PRKN: variants seen among roughly 807,000 people sequenced by gnomAD.
PRKN encodes E3 ubiquitin-protein ligase parkin.
In PRKN, 56 loss-of-function variants were observed where a neutral mutation model predicts 59.5. That is an observed-to-expected ratio of 0.94 (90% CI 0.76 to 1.18). PRKN has a LOEUF of 1.18. Ranked by LOEUF, PRKN falls within the 50% of genes most tolerant of loss-of-function variation. The pLI, the probability that PRKN is intolerant of heterozygous loss-of-function variation, is 0.00. For missense variants in PRKN, 657 were observed against 596.4 expected, an observed-to-expected ratio of 1.10 and a Z score of -1.06; for synonymous variants, 250 against 222.1, an observed-to-expected ratio of 1.13 and a Z score of -1.12.
At chr6:162,014,049 T>TA (rs371371940) in intron 5 of PRKN, among the ~76,000 whole-genome samples, 23 of 152,302 alleles carry the variant, frequency 1.5e-4, no homozygotes, top group African/African-American at 5.5e-4. Context: ...GTCACTGTCC[T>TA]AACCTGGGCC....
intron 1 of PRKN, among the ~76,000 whole-genome samples, chr6:162,491,461 TACA>T (rs896493770): frequency 4.6e-5 from 7 of 152,296 alleles, no homozygotes; most frequent in African/African-American, 1.7e-4. Context: ...GACGTCACCC[TACA>T]ACCTTTAGTC....
intron 6 of PRKN, among the ~76,000 whole-genome samples, chr6:161,958,686 C>T (rs1045693103): frequency 6.6e-5 from 10 of 151,986 alleles, no homozygotes; most frequent in African/African-American, 2.2e-4. Flanking sequence ...TCAGACCAGC[C>T]TGGCCAACAT....
intron 4 of PRKN, among the ~76,000 whole-genome samples, chr6:162,088,717 C>T (rs559196251): frequency 7.2e-5 from 11 of 152,080 alleles, no homozygotes; most frequent in Non-Finnish European, 1.2e-4. Flanking sequence ...AAAGACATTG[C>T]GTTACTAATT....
rs112500655 is a variant in PRKN at position 161,444,762 on chromosome 6, C to G, written c.1084-57885G>C. On this transcript the variant is annotated intron_variant, in intron 9 of 11. Coordinates refer to ENST00000366898, the MANE Select transcript of PRKN (RefSeq NM_004562.3). This position sits in a 1 kb window ranked among gnomAD's most constrained non-coding sequence, Gnocchi z 5.6. Reference sequence around the variant, plus strand: ...TGAATGAAACGGCACTCTTGACATGCTGTACGGACAGAATCTTTACATGTC... The same window carrying G: ...TGAATGAAACGGCACTCTTGACATGGTGTACGGACAGAATCTTTACATGTC... Among the ~76,000 whole-genome samples the G allele has an allele frequency of 3.1e-3, 465 of 152,346 alleles. 1 individual carries two copies. The highest frequency in any genetic ancestry group is 5.1e-3 in the Non-Finnish European group (344 of 68,038).
intron 6 of PRKN, among the ~76,000 whole-genome samples, chr6:161,935,389 C>T (rs988995477): frequency 1.3e-5 from 2 of 151,724 alleles, no homozygotes; most frequent in African/African-American, 2.4e-5. Context: ...TCCATCTCTA[C>T]TAAAAATACA....
Position 161,432,073 on chromosome 6 carries a change from G to A in PRKN, c.1084-45196C>T, listed in dbSNP as rs373714950. ...TGCATTTTAATGCATGCACACATGT[G>A]TACCCACCAAAGGACTCCAGGCTAT... On this transcript the variant is annotated intron_variant, in intron 9 of 11. Transcript: ENST00000366898. Among the ~76,000 whole-genome samples, 206 of 152,284 alleles carry A rather than the reference G, an allele frequency of 1.4e-3. 1 individual carries two copies. The highest frequency in any genetic ancestry group is 3.4e-3 in the Middle Eastern group (1 of 294).
At chr6:162,694,929 A>G (rs931838181) in intron 1 of PRKN, 2 of 152,180 alleles carry the variant, frequency 1.3e-5, no homozygotes, top group Non-Finnish European at 2.9e-5. Context: ...TTAGCACCAC[A>G]ATAATTATGT....
At chr6:162,390,705 A>T (rs1430307871) in intron 2 of PRKN, among the ~76,000 whole-genome samples, 1 of 152,038 alleles carries the variant, frequency 6.6e-6, no homozygotes, top group Non-Finnish European at 1.5e-5. Flanking sequence ...GGCCTTCCAA[A>T]GTGCTGGGAT....
At chr6:162,264,258 C>G (rs1012583918) in intron 2 of PRKN, among the ~76,000 whole-genome samples, 1 of 152,142 alleles carries the variant, frequency 6.6e-6, no homozygotes, top group Admixed American at 6.5e-5. Flanking sequence ...GCCTGGGCAA[C>G]AGAGAGAGAG....
chr6:162,047,682 T>C (rs1259509117), intron 5 of PRKN, among the ~76,000 whole-genome samples: 1 of 152,166 alleles, frequency 6.6e-6, no homozygotes, highest in Non-Finnish European at 1.5e-5. Context: ...TGGAGGATAG[T>C]AATTTGATCA....
In PRKN at chr6:161,449,809, C is replaced by T. The variant is rs189292714; in HGVS notation, c.1084-62932G>A. Among the ~76,000 whole-genome samples the T allele has an allele frequency of 7.9e-5, 12 of 152,294 alleles. No individual in the cohort carries two copies. The East Asian group carries it at 2.3e-3, about 29-fold the overall frequency. On this transcript the variant is annotated intron_variant, in intron 9 of 11. Transcript: ENST00000366898. ...AATGACATTCATGGTTATTGTTCTA[C>T]ACAGACAGGTGTAGGGAAGCAATGG...
chr6:161,475,566 C>A lies in PRKN; in HGVS notation c.1083+73288G>T. Among the ~76,000 whole-genome samples, 1 of 152,146 alleles carries A rather than the reference C, an allele frequency of 6.6e-6. No homozygotes were observed. The highest frequency in any genetic ancestry group is 1.9e-4 in the East Asian group (1 of 5,174). On this transcript the variant is annotated intron_variant, in intron 9 of 11. Transcript: ENST00000366898. The surrounding 1 kb of genome is among the most constrained non-coding windows in gnomAD (Gnocchi z 5.3). ...TGGCCCAGGCTGGAGTGCCGCGGTGCAATACAACTTGCCGCAGTCTTGACC... is the reference window on the plus strand; with the variant it reads ...TGGCCCAGGCTGGAGTGCCGCGGTGAAATACAACTTGCCGCAGTCTTGACC...
chr6:161,696,698 C>T (rs556433572), intron 7 of PRKN, among the ~76,000 whole-genome samples: 51 of 152,204 alleles, frequency 3.4e-4, no homozygotes, highest in Admixed American at 7.2e-4. Context: ...CTAATTCTAC[C>T]CTCTTACAAA....
At chr6:162,231,784 C>T (rs981948850) in intron 3 of PRKN, among the ~76,000 whole-genome samples, 18 of 152,106 alleles carry the variant, frequency 1.2e-4, no homozygotes, top group Admixed American at 5.2e-4. Context: ...CCACCTGATC[C>T]GCTGTCCCAA....
intron 4 of PRKN, among the ~76,000 whole-genome samples, chr6:162,163,277 C>G (rs937127863): frequency 6.7e-6 from 1 of 149,142 alleles, no homozygotes; most frequent in Admixed American, 6.7e-5. Flanking sequence ...TAAACGGCAT[C>G]TATGGAATTA....
chr6:161,403,405 A>G (rs1188088661), intron 9 of PRKN, among the ~76,000 whole-genome samples: 3 of 152,146 alleles, frequency 2.0e-5, no homozygotes, highest in Non-Finnish European at 4.4e-5. Context: ...ATGAGAACCA[A>G]ATTTTCAAAA....
intron 4 of PRKN, among the ~76,000 whole-genome samples, chr6:162,133,825 T>C (rs1303474803): frequency 6.6e-6 from 1 of 151,960 alleles, no homozygotes; most frequent in South Asian, 2.1e-4. Flanking sequence ...CATTTGGGGA[T>C]GTGAGGATTC....
At chr6:162,473,538 G>T (rs1330213391) in intron 1 of PRKN, among the ~76,000 whole-genome samples, 1 of 151,992 alleles carries the variant, frequency 6.6e-6, no homozygotes, top group Non-Finnish European at 1.5e-5. Context: ...TAAATTTTCT[G>T]GTGGCCATGA....
chr6:161,868,894 C>T (rs1232957481), intron 6 of PRKN, among the ~76,000 whole-genome samples: 1 of 152,138 alleles, frequency 6.6e-6, no homozygotes, highest in East Asian at 1.9e-4. Flanking sequence ...ATTTAGACTT[C>T]AATGGCTGGT....
Sources: gnomAD v4.1 joint callset for allele counts (sites outside exome capture counted in the v4.1 genomes callset) on GRCh38, gnomAD v4.1.1 for gene constraint, Gnocchi (gnomAD v3.1) non-coding constraint, MANE v1.5 for transcripts, NCBI Gene and HGNC (gene_info 2026-07-23, HGNC 2026-07-21) for gene names.